The following NSF variants were observed in gnomAD, a reference collection of about 807,000 sequenced individuals.
The protein encoded by NSF is N-ethylmaleimide sensitive factor, vesicle fusing ATPase.
NSF carries 14 observed loss-of-function variants against 50.3 expected under a neutral mutation model. That is an observed-to-expected ratio of 0.28 (90% confidence interval 0.18 to 0.44). NSF has a LOEUF of 0.44. Among genes scored for constraint, NSF ranks in the 20% least tolerant of loss-of-function variants. The pLI is 1.00. For synonymous variants in NSF, 109 were observed against 175.7 expected (o/e 0.62, Z 3.00); for missense variants, 218 against 504.3 (o/e 0.43, Z 5.44).
chr17:46,746,629 C>T (rs1415852889), intron 17 of NSF, among the ~76,000 whole-genome samples: 3 of 151,860 alleles, frequency 2.0e-5, no homozygotes, highest in African/African-American at 4.8e-5. Flanking sequence ...AAACTTATTC[C>T]TTTTTCATTT....
At chr17:46,717,974 A>G (rs1327845877) in intron 15 of NSF, among the ~76,000 whole-genome samples, 2 of 152,212 alleles carry the variant, frequency 1.3e-5, no homozygotes, top group Non-Finnish European at 2.9e-5. Flanking sequence ...ATCCATTGCC[A>G]GATCTACTTG....
At chr17:46,737,778 A>C (rs2146313686) in intron 17 of NSF, among the ~76,000 whole-genome samples, 1 of 152,158 alleles carries the variant, frequency 6.6e-6, no homozygotes, top group Middle Eastern at 3.4e-3. Context: ...CACAAATAGT[A>C]GTTTCGGATC....
chr17:46,732,846 C>T (rs187815886), intron 17 of NSF, among the ~76,000 whole-genome samples: 3 of 152,162 alleles, frequency 2.0e-5, no homozygotes, highest in East Asian at 3.9e-4. Context: ...GGAGCCAAGC[C>T]GGAAAAAAGG....
At chr17:46,737,113 G>A (rs1261518972) in intron 17 of NSF, among the ~76,000 whole-genome samples, 1 of 152,218 alleles carries the variant, frequency 6.6e-6, no homozygotes, top group Non-Finnish European at 1.5e-5. Flanking sequence ...ATCCTTCTCA[G>A]TATAGAGATA....
At chr17:46,750,352 A>G (rs1393092506) in intron 18 of NSF, among the ~76,000 whole-genome samples, 1 of 152,122 alleles carries the variant, frequency 6.6e-6, no homozygotes, top group African/African-American at 2.4e-5. Flanking sequence ...AACTCTAACA[A>G]CAACAAAAAA....
At chr17:46,681,575 T>C (rs1393831477) in intron 9 of NSF, among the ~76,000 whole-genome samples, 1 of 150,692 alleles carries the variant, frequency 6.6e-6, no homozygotes, top group East Asian at 2.0e-4. Flanking sequence ...AAAAAAAACC[T>C]AGTAAGCTGT....
chr17:46,595,483 T>C (rs2057861213), intron 1 of NSF, among the ~76,000 whole-genome samples: 2 of 106,514 alleles, frequency 1.9e-5, no homozygotes, highest in Non-Finnish European at 3.2e-5. Flanking sequence ...ATTCCTCCTA[T>C]CACTGGATCT....
chr17:46,609,732 AGT>A (rs1393314190), intron 1 of NSF, among the ~76,000 whole-genome samples: 1 of 147,046 alleles, frequency 6.8e-6, no homozygotes, highest in Non-Finnish European at 1.5e-5. Flanking sequence ...AGATAAGTAT[AGT>A]GTGGCCTTAC....
chr17:46,649,854 TA>T, intron 8 of NSF, among the ~76,000 whole-genome samples: 2 of 75,946 alleles, frequency 2.6e-5, no homozygotes, highest in South Asian at 1.1e-3. Context: ...GCCCATCGTG[TA>T]AAACCATTTT....
At chr17:46,725,735 G>A (rs938800902) in intron 15 of NSF, among the ~76,000 whole-genome samples, 4 of 152,138 alleles carry the variant, frequency 2.6e-5, no homozygotes, top group African/African-American at 9.7e-5. Flanking sequence ...TTGGTGTGCT[G>A]AGGTTGGTTA....
chr17:46,607,909 A>G lies in NSF; in HGVS notation c.13-16335A>G, dbSNP rs1005781511. ...TCTCCAAAATAGTTGGGGTGGGGGAAGTGCCTTGACTAATGAATTTTGTTG... is the reference window on the plus strand; with the variant it reads ...TCTCCAAAATAGTTGGGGTGGGGGAGGTGCCTTGACTAATGAATTTTGTTG... On this transcript the variant is annotated intron_variant, in intron 1 of 20. Transcript: ENST00000398238. Among the ~76,000 whole-genome samples, 6 of 133,294 alleles carry G rather than the reference A, an allele frequency of 4.5e-5. 1 individual carries two copies. Among genetic ancestry groups the G allele is most frequent in the Admixed American group, 1.6e-4 (2 of 12,334 alleles). 87.4% of individuals were successfully genotyped at this position (133,294 alleles called of 152,430 possible). A position where few individuals can be genotyped will look rare whatever the true frequency, so the allele number is the denominator to read the frequency against.
In NSF at chr17:46,737,585, G is replaced by A. The variant is rs1161889860; in HGVS notation, c.1908+8651G>A. Among the ~76,000 whole-genome samples the A allele has an allele frequency of 2.6e-5, 4 of 151,290 alleles. No homozygotes were observed. The East Asian group carries it at 7.7e-4, about 29-fold the overall frequency. On this transcript the variant is annotated intron_variant, in intron 17 of 20. Coordinates refer to ENST00000398238, the MANE Select transcript of NSF (RefSeq NM_006178.4). ...AGGGTGTGTGTGCGTGTGTGTGTGTGTGTGTGTGTGTGTGTGTGTTTTCTG... is the reference window on the plus strand; with the variant it reads ...AGGGTGTGTGTGCGTGTGTGTGTGTATGTGTGTGTGTGTGTGTGTTTTCTG...
At chr17:46,715,690 A>T (rs1255872243) in intron 15 of NSF, among the ~76,000 whole-genome samples, 5 of 152,154 alleles carry the variant, frequency 3.3e-5, no homozygotes, top group African/African-American at 1.2e-4. Context: ...CATTTTTATT[A>T]TTTTAATCTC....
intron 17 of NSF, among the ~76,000 whole-genome samples, chr17:46,745,326 TG>T (rs1307171252): frequency 6.6e-6 from 1 of 152,360 alleles, no homozygotes; most frequent in East Asian, 1.9e-4. Context: ...AATTTGGTAA[TG>T]TTTTTCAATG....
chr17:46,681,481 C>A (rs1308062128), intron 9 of NSF, among the ~76,000 whole-genome samples: 2 of 144,244 alleles, frequency 1.4e-5, no homozygotes, highest in African/African-American at 5.2e-5. Context: ...CAGAATGAGA[C>A]CCTGTCTCAA....
chr17:46,744,623 A>G (rs2146328175), intron 17 of NSF, among the ~76,000 whole-genome samples: 1 of 151,574 alleles, frequency 6.6e-6, no homozygotes, highest in South Asian at 2.1e-4. Context: ...TATTTAGGGA[A>G]AAAAAAAAGC....
At position 46,710,820 on chromosome 17, in the gene NSF, A is replaced by C. The variant is rs143175027; in HGVS notation, c.1471-143A>C. 9.7e-5 allele frequency: 65 copies of C among 667,752 alleles called. No individual in the cohort carries two copies. In the African/African-American group the frequency reaches 1.1e-3, roughly 11 times the overall value. 41.4% of individuals were successfully genotyped at this position (667,752 alleles called of 1,614,324 possible). On this transcript the variant is annotated intron_variant, in intron 13 of 20. Coordinates refer to ENST00000398238, the MANE Select transcript of NSF (RefSeq NM_006178.4). ...AAAAAAGTTAAATGAGAAATTATAC[A>C]AGTTGTTTTGCTTTCCAGGCTTTTT...
intron 17 of NSF, among the ~76,000 whole-genome samples, chr17:46,732,654 A>G (rs2058961438): frequency 6.6e-6 from 1 of 152,222 alleles, no homozygotes; most frequent in Admixed American, 6.5e-5. Context: ...GTGAAGAGTG[A>G]AAAACATCAT....
intron 15 of NSF, among the ~76,000 whole-genome samples, chr17:46,717,915 C>G (rs1034364122): frequency 2.0e-5 from 3 of 152,184 alleles, no homozygotes; most frequent in Non-Finnish European, 2.9e-5. Flanking sequence ...TGAGCTCAGC[C>G]TTCAGCAAGA....
Sources: gnomAD v4.1 joint callset for allele counts (sites outside exome capture counted in the v4.1 genomes callset) on GRCh38, gnomAD v4.1.1 for gene constraint, MANE v1.5 for transcripts, NCBI Gene and HGNC (gene_info 2026-07-23, HGNC 2026-07-21) for gene names.